COL25A1: variants seen among roughly 807,000 people sequenced by gnomAD.
COL25A1 encodes the protein collagen type XXV alpha 1 chain, also known as collagen alpha-1(XXV) chain.
A neutral mutation model predicts 128.4 loss-of-function variants in COL25A1; 103 were observed. The ratio of observed to expected loss-of-function variants is 0.80; its 90% CI spans 0.68 to 0.94. The LOEUF is 0.94. Among genes scored for constraint, COL25A1 ranks in the 40% least tolerant of loss-of-function variants. The pLI is 0.00. For missense variants in COL25A1, 745 were observed against 840.0 expected, an observed-to-expected ratio of 0.89 and a Z score of 1.40; for synonymous variants, 279 against 277.2, an observed-to-expected ratio of 1.01 and a Z score of -0.06.
chr4:108,913,940 G>A (rs1001568299), intron 13 of COL25A1, among the ~76,000 whole-genome samples: 12 of 152,166 alleles, frequency 7.9e-5, no homozygotes, highest in South Asian at 4.1e-4. Flanking sequence ...ATGCACACGC[G>A]CATGGTGGGG....
chr4:108,980,216 TAGG>T (rs775257583), intron 6 of COL25A1, among the ~76,000 whole-genome samples: 4 of 152,178 alleles, frequency 2.6e-5, no homozygotes, highest in Non-Finnish European at 5.9e-5. Context: ...TCGGGATTCT[TAGG>T]AAGTATTTGC....
chr4:109,066,669 T>G (rs1189629694), intron 3 of COL25A1, among the ~76,000 whole-genome samples: 1 of 152,144 alleles, frequency 6.6e-6, no homozygotes, highest in Non-Finnish European at 1.5e-5. Context: ...TTCTTCCTTT[T>G]TTTGAGACAG....
intron 31 of COL25A1, among the ~76,000 whole-genome samples, chr4:108,834,199 C>T (rs943314517): frequency 2.0e-5 from 3 of 152,168 alleles, no homozygotes; most frequent in Admixed American, 6.5e-5. Context: ...CCACCTTTCC[C>T]CCTTTTGCCG....
chr4:109,253,216 T>A (rs1339935382), intron 3 of COL25A1, among the ~76,000 whole-genome samples: 1 of 152,080 alleles, frequency 6.6e-6, no homozygotes, highest in African/African-American at 2.4e-5. Flanking sequence ...TATGATGATG[T>A]AAGGAGATTT....
At chr4:109,224,866 G>A (rs566510683) in intron 3 of COL25A1, among the ~76,000 whole-genome samples, 1 of 152,290 alleles carries the variant, frequency 6.6e-6, no homozygotes, top group South Asian at 2.1e-4. Flanking sequence ...CTTGAACCCG[G>A]GAGGCGGAGG....
chr4:109,150,275 T>G (rs747885867), intron 3 of COL25A1, among the ~76,000 whole-genome samples: 1 of 152,154 alleles, frequency 6.6e-6, no homozygotes, highest in Non-Finnish European at 1.5e-5. Context: ...AGCCCCAGTG[T>G]GATTCTTAAA....
intron 3 of COL25A1, among the ~76,000 whole-genome samples, chr4:109,100,837 C>T (rs534648754): frequency 6.6e-6 from 1 of 152,256 alleles, no homozygotes; most frequent in South Asian, 2.1e-4. Flanking sequence ...AACCCAAAGA[C>T]AGTGAAATAC....
Position 109,010,343 on chromosome 4 carries a change from A to G in COL25A1, c.438+15T>C. Reference sequence around the variant, plus strand: ...CCTAAATTGAAAATAATTTGCTAGAAAAGAATTACCTTACCTGAGGACCAG... The same window carrying G: ...CCTAAATTGAAAATAATTTGCTAGAGAAGAATTACCTTACCTGAGGACCAG... On this transcript the variant is annotated intron_variant, in intron 6 of 37. Coordinates refer to ENST00000399132, the MANE Select transcript of COL25A1 (RefSeq NM_198721.4). 6.4e-7 allele frequency: 1 copy of G among 1,570,862 alleles called. No homozygotes were observed. The highest frequency in any genetic ancestry group is 1.2e-5 in the South Asian group (1 of 83,860).
intron 3 of COL25A1, among the ~76,000 whole-genome samples, chr4:109,160,207 T>C (rs1475915576): frequency 6.6e-6 from 1 of 152,218 alleles, no homozygotes; most frequent in Non-Finnish European, 1.5e-5. Flanking sequence ...GAAATTTATA[T>C]TGCTTTTCTT....
chr4:109,214,526 T>A (rs1006326897), intron 3 of COL25A1, among the ~76,000 whole-genome samples: 3 of 152,114 alleles, frequency 2.0e-5, no homozygotes, highest in African/African-American at 7.2e-5. Context: ...ACACTAATAG[T>A]CGCTTTAAAA....
At chr4:109,035,822 T>C (rs1759293237) in intron 5 of COL25A1, among the ~76,000 whole-genome samples, 1 of 152,124 alleles carries the variant, frequency 6.6e-6, no homozygotes, top group African/African-American at 2.4e-5. Context: ...GTTCCAACAA[T>C]CTAAAATTGC....
At chr4:108,927,707 C>G (rs1425870003) in intron 11 of COL25A1, among the ~76,000 whole-genome samples, 1 of 152,126 alleles carries the variant, frequency 6.6e-6, no homozygotes, top group East Asian at 1.9e-4. Context: ...TTCTCTATCT[C>G]ATGTGCTGAA....
chr4:109,128,733 T>G (rs1768879102), intron 3 of COL25A1, among the ~76,000 whole-genome samples: 1 of 152,204 alleles, frequency 6.6e-6, no homozygotes, highest in African/African-American at 2.4e-5. Flanking sequence ...GAAGAAACCT[T>G]GCAATGGTGA....
chr4:109,191,385 C>G (rs975105487), intron 3 of COL25A1, among the ~76,000 whole-genome samples: 2 of 152,156 alleles, frequency 1.3e-5, no homozygotes, highest in Non-Finnish European at 2.9e-5. Context: ...CATTTTCATA[C>G]CCTTGTGTGC....
intron 8 of COL25A1, among the ~76,000 whole-genome samples, chr4:108,946,984 C>A (rs1312890117): frequency 6.6e-6 from 1 of 152,044 alleles, no homozygotes; most frequent in African/African-American, 2.4e-5. Flanking sequence ...AGAGAATGGT[C>A]CTAGGTCTGT....
chr4:109,267,337 A>G (rs1055778675), intron 3 of COL25A1, among the ~76,000 whole-genome samples: 1 of 152,188 alleles, frequency 6.6e-6, no homozygotes, highest in Non-Finnish European at 1.5e-5. Flanking sequence ...TATTTGAATA[A>G]AAGCTTTCTA....
At chr4:109,159,795 G>A (rs1372727241) in intron 3 of COL25A1, among the ~76,000 whole-genome samples, 1 of 152,186 alleles carries the variant, frequency 6.6e-6, no homozygotes, top group Non-Finnish European at 1.5e-5. Flanking sequence ...GGAGGCAGAA[G>A]AGTGAAATCC....
intron 13 of COL25A1, among the ~76,000 whole-genome samples, chr4:108,902,458 T>C (rs28666814): frequency 0.03 from 4,491 of 152,096 alleles, 204 homozygotes; most frequent in African/African-American, 0.1. Flanking sequence ...AGTGAACGAA[T>C]GTATCTAGGA....
intron 3 of COL25A1, among the ~76,000 whole-genome samples, chr4:109,249,406 C>T (rs1397811547): frequency 6.6e-6 from 1 of 151,968 alleles, no homozygotes; most frequent in Non-Finnish European, 1.5e-5. Flanking sequence ...TACCTGCTGT[C>T]CACCTTAGCC....
Sources: allele counts gnomAD v4.1 joint callset (sites outside exome capture counted in the v4.1 genomes callset), GRCh38; gene constraint gnomAD v4.1.1; transcripts MANE v1.5; gene names NCBI Gene and HGNC (gene_info 2026-07-23, HGNC 2026-07-21).